The following MECOM variants were observed in gnomAD, a reference collection of about 807,000 sequenced individuals.
The protein encoded by MECOM is MDS1 and EVI1 complex locus, also known as histone-lysine N-methyltransferase MECOM.
Under a neutral mutation model 116.3 loss-of-function variants are expected in MECOM, and 13 were observed. The observed-to-expected ratio is 0.11, with a 90% CI of 0.07 to 0.18. The LOEUF is 0.18. Among genes scored for constraint, MECOM ranks in the 10% least tolerant of loss-of-function variants. MECOM has a pLI of 1.00. For missense variants in MECOM, 1,299 were observed against 1,509.0 expected (o/e 0.86, Z 2.31); for synonymous variants, 528 against 535.2 (o/e 0.99, Z 0.19).
At position 169,197,047 on chromosome 3, in the gene MECOM, G is replaced by C. The variant is rs190545143; in HGVS notation, c.376-53215C>G. On this transcript the variant is annotated intron_variant, in intron 2 of 16. Coordinates refer to ENST00000651503, the MANE Select transcript of MECOM (RefSeq NM_004991.4). ...ATAGAGCTAGAGGGCATTATCCTAA[G>C]AGAACTAATGCAGGAACAGAAAACC... is the stretch of plus-strand genomic sequence containing the variant. Among the ~76,000 whole-genome samples the C allele has an allele frequency of 1.0e-3, 159 of 152,016 alleles. 1 individual carries two copies. The highest frequency in any genetic ancestry group is 2.0e-3 in the Non-Finnish European group (138 of 67,964).
chr3:169,177,233 T>C (rs980542376), intron 2 of MECOM, among the ~76,000 whole-genome samples: 1 of 152,198 alleles, frequency 6.6e-6, no homozygotes, highest in African/African-American at 2.4e-5. Context: ...CCATCAATGA[T>C]AGACTGGATA....
At chr3:169,093,136 T>TTA in intron 13 of MECOM, 34 bp from the exon 14 acceptor site, 1 of 1,550,838 alleles carries the variant, frequency 6.4e-7, no homozygotes. Context: ...ATGACAAAGA[T>TTA]TATTGTTTAT....
At chr3:169,407,315 G>T (rs745424165) in intron 1 of MECOM, among the ~76,000 whole-genome samples, 14 of 152,070 alleles carry the variant, frequency 9.2e-5, no homozygotes, top group African/African-American at 2.4e-5. Context: ...TATAAGGTTG[G>T]TTCAACCAAC....
At chr3:169,657,397 A>AT (rs1206953744) in intron 1 of MECOM, among the ~76,000 whole-genome samples, 1 of 152,182 alleles carries the variant, frequency 6.6e-6, no homozygotes, top group Non-Finnish European at 1.5e-5. Context: ...CTGTTTGTTT[A>AT]TTTTTTTAAA....
At chr3:169,552,034 A>C (rs1462725589) in intron 1 of MECOM, among the ~76,000 whole-genome samples, 1 of 151,304 alleles carries the variant, frequency 6.6e-6, no homozygotes, top group African/African-American at 2.5e-5. Flanking sequence ...TAGATTAGGG[A>C]GGGATAATGA....
chr3:169,579,380 C>T (rs1182239352), intron 1 of MECOM, among the ~76,000 whole-genome samples: 2 of 152,142 alleles, frequency 1.3e-5, no homozygotes, highest in East Asian at 1.9e-4. Context: ...ATCTAGGAGG[C>T]GGACAATGAT....
intron 15 of MECOM, 86 bp from the exon 16 acceptor site, chr3:169,089,269 C>G (rs904116227): frequency 8.1e-6 from 8 of 983,384 alleles, no homozygotes; most frequent in Non-Finnish European, 1.1e-5. Flanking sequence ...ATCTATACAA[C>G]TGACAAACTT....
chr3:169,090,257 A>G (rs2148850926), intron 14 of MECOM, 21 bp from the exon 15 acceptor site: 3 of 1,579,240 alleles, frequency 1.9e-6, no homozygotes, highest in East Asian at 4.5e-5. Flanking sequence ...CATTAAAAAA[A>G]AAGTCCAATT....
At position 169,084,244 on chromosome 3, in the gene MECOM, A is replaced by C; in HGVS notation, c.*665T>G. The C allele has an allele frequency of 4.3e-6, 1 of 231,502 alleles. No individual in the cohort carries two copies. Among genetic ancestry groups the C allele is most frequent in the Non-Finnish European group, 8.6e-6 (1 of 116,938 alleles). 14.3% of individuals were successfully genotyped at this position (231,502 alleles called of 1,614,324 possible). ...AGTGGTACAGCGGTACTGGTGATGA[A>C]TAGGTTACTTCACTGACTTAACCTC... On this transcript the variant is annotated 3_prime_UTR_variant, in exon 17 of 17. Transcript: ENST00000651503.
At chr3:169,642,259 G>A (rs1037835593) in intron 1 of MECOM, among the ~76,000 whole-genome samples, 3 of 152,030 alleles carry the variant, frequency 2.0e-5, no homozygotes, top group Non-Finnish European at 4.4e-5. Context: ...GGGGAAGGTA[G>A]GCATGAAAAA....
intron 1 of MECOM, among the ~76,000 whole-genome samples, chr3:169,632,723 C>T (rs977426315): frequency 2.0e-5 from 3 of 152,176 alleles, no homozygotes; most frequent in African/African-American, 7.2e-5. Context: ...AATATTATGT[C>T]CCTCAAATTC....
intron 1 of MECOM, among the ~76,000 whole-genome samples, chr3:169,399,378 G>T (rs753783423): frequency 6.6e-6 from 1 of 152,180 alleles, no homozygotes; most frequent in African/African-American, 2.4e-5. Context: ...GCCACCACGG[G>T]AAGAGGTATT....
chr3:169,377,972 C>T (rs536179920), intron 2 of MECOM, among the ~76,000 whole-genome samples: 2 of 152,218 alleles, frequency 1.3e-5, no homozygotes, highest in African/African-American at 2.4e-5. Flanking sequence ...TACATATACA[C>T]CATGGAACAC....
chr3:169,655,568 C>T (rs948898691), intron 1 of MECOM, among the ~76,000 whole-genome samples: 4 of 152,092 alleles, frequency 2.6e-5, no homozygotes, highest in Non-Finnish European at 4.4e-5. Context: ...CCCCTCACCC[C>T]GACTCCAAAT....
intron 2 of MECOM, among the ~76,000 whole-genome samples, chr3:169,242,176 C>T (rs1754910735): frequency 6.6e-6 from 1 of 152,136 alleles, no homozygotes; most frequent in Admixed American, 6.5e-5. Flanking sequence ...TGGTAGACCA[C>T]GAGAGGAGCC....
intron 2 of MECOM, among the ~76,000 whole-genome samples, chr3:169,206,567 C>T (rs1749941914): frequency 6.6e-6 from 1 of 151,814 alleles, no homozygotes; most frequent in Non-Finnish European, 1.5e-5. Context: ...GCCTGACCAA[C>T]ATGGTGAAAC....
intron 2 of MECOM, among the ~76,000 whole-genome samples, chr3:169,256,101 G>C (rs1756837444): frequency 6.6e-6 from 1 of 152,050 alleles, no homozygotes; most frequent in Non-Finnish European, 1.5e-5. Context: ...AAAATACTTA[G>C]CTTCCTCTAG....
At chr3:169,436,334 T>C (rs1742640833) in intron 1 of MECOM, among the ~76,000 whole-genome samples, 1 of 133,228 alleles carries the variant, frequency 7.5e-6, no homozygotes, top group Non-Finnish European at 1.6e-5. Context: ...CACCACAACC[T>C]CCGCCTCCCA....
At chr3:169,423,684 G>A (rs1740152588) in intron 1 of MECOM, among the ~76,000 whole-genome samples, 1 of 152,030 alleles carries the variant, frequency 6.6e-6, no homozygotes, top group South Asian at 2.1e-4. Context: ...AACATGCAGG[G>A]ATCACCAAAT....
Sources: allele counts gnomAD v4.1 joint callset (sites outside exome capture counted in the v4.1 genomes callset), GRCh38; gene constraint gnomAD v4.1.1; transcripts MANE v1.5; gene names NCBI Gene and HGNC (gene_info 2026-07-23, HGNC 2026-07-21).